AKR7A2: variants seen among roughly 807,000 people sequenced by gnomAD.
The protein encoded by AKR7A2 is aldo-keto reductase family 7 member A2, also known as aflatoxin B1 aldehyde reductase member 2.
A neutral mutation model predicts 37.3 loss-of-function variants in AKR7A2; 29 were observed. That is an observed-to-expected ratio of 0.78 (90% CI 0.58 to 1.06). The LOEUF (loss-of-function observed/expected upper bound fraction) is 1.06. AKR7A2 is among the 50% of genes least tolerant of loss of function. The pLI is 0.00. For synonymous variants in AKR7A2, 228 were observed against 217.8 expected (o/e 1.05, Z -0.41); for missense variants, 529 against 497.9 (o/e 1.06, Z -0.59).
intron 4 of AKR7A2, 26 bp from the exon 5 acceptor site, chr1:19,307,127 T>C (rs973910609): frequency 1.2e-6 from 2 of 1,613,452 alleles, no homozygotes; most frequent in East Asian, 2.2e-5. Context: ...AATCAGCCCC[T>C]GGCCCCAGAG....
chr1:19,304,110 T>C lies in AKR7A2; in HGVS notation c.*115A>G, dbSNP rs952384467. ...GGCAGGAAGCTAGAAAAATAATGCA[T>C]GGATCTAGACAATTCAGAAAAACCC... On this transcript the variant is annotated 3_prime_UTR_variant, in exon 7 of 7. Transcript: ENST00000235835. 6.5e-5 allele frequency: 100 copies of C among 1,532,102 alleles called. No homozygotes were observed. The highest frequency in any genetic ancestry group is 6.5e-5 in the Non-Finnish European group (72 of 1,109,596). 94.9% of individuals were successfully genotyped at this position (1,532,102 alleles called of 1,614,324 possible).
intron 5 of AKR7A2, 52 bp from the exon 6 acceptor site, chr1:19,306,199 G>T: frequency 6.2e-7 from 1 of 1,613,194 alleles, no homozygotes; most frequent in Non-Finnish European, 8.5e-7. Flanking sequence ...GGTCACACTG[G>T]GAGCCGCAAC....
rs932389142 is a variant in AKR7A2 at position 19,307,309 on chromosome 1, C to T, written c.688+5G>A. On this transcript the variant is annotated splice_donor_5th_base_variant and intron_variant, in intron 4 of 6. Transcript: ENST00000235835. ...CTGAGACAGGGTCAGGAATGCTCCA[C>T]GTACCAGCCAGAGGGTTGTAGGCAT... 8.7e-6 allele frequency: 14 copies of T among 1,612,814 alleles called. No homozygotes were observed. Among genetic ancestry groups the T allele is most frequent in the African/African-American group, 4.0e-5 (3 of 74,902 alleles).
In AKR7A2 at chr1:19,312,121, G is replaced by A. The variant is rs1466488230; in HGVS notation, c.4C>T (p.Leu2=). 1.1e-5 allele frequency: 14 copies of A among 1,284,582 alleles called. No homozygotes were observed. Among genetic ancestry groups the A allele is most frequent in the Non-Finnish European group, 1.2e-5 (12 of 1,023,214 alleles). The allele number at this position is 1,284,582 out of a possible 1,614,324, so 79.6% of individuals were successfully genotyped here. The change falls in exon 1 of 7, where the codon CTG becomes TTG. Residue 2 remains leucine (L), a synonymous_variant. Transcript: ENST00000235835. M[L]SAASRVVSRA... is the part of the protein sequence containing the mutation. ...GAGACTACGCGAGACGCGGCACTCA[G>A]CATAGCAGCGGCGCCTGCGCGTTGG...
intron 6 of AKR7A2, among the ~76,000 whole-genome samples, chr1:19,304,798 A>G (rs992823555): frequency 1.3e-5 from 2 of 152,092 alleles, no homozygotes; most frequent in Non-Finnish European, 2.9e-5. Flanking sequence ...AAAATTAGCC[A>G]GGGGTGATGG....
At position 19,305,950 on chromosome 1, in the gene AKR7A2, G is replaced by C. The variant is rs963897822; in HGVS notation, c.918+68C>G. On this transcript the variant is annotated intron_variant, in intron 6 of 6. Coordinates refer to ENST00000235835, the MANE Select transcript of AKR7A2 (RefSeq NM_003689.4). ...GGAATTCAGAAATCAAATGCTTTGG[G>C]CTTCACCTAAAGGTGACGCTGGTCC... 3 of 1,610,982 alleles carry C rather than the reference G, an allele frequency of 1.9e-6. No individual in the cohort carries two copies. The African/African-American group carries it at 4.0e-5, about 22-fold the overall frequency.
intron 6 of AKR7A2, among the ~76,000 whole-genome samples, chr1:19,305,763 G>C (rs1535037): frequency 6.6e-6 from 1 of 152,046 alleles, no homozygotes; most frequent in Non-Finnish European, 1.5e-5. Context: ...GGTGAACCTC[G>C]GTTTCCTCAT....
chr1:19,302,824 G>T (rs914498879), downstream of AKR7A2, among the ~76,000 whole-genome samples: 1 of 151,814 alleles, frequency 6.6e-6, no homozygotes, highest in Non-Finnish European at 1.5e-5. Flanking sequence ...CAGAGTAGCT[G>T]GGACCACAGG....
chr1:19,312,063 G>C lies in AKR7A2; in HGVS notation c.62C>G (p.Pro21Arg). 1 of 1,361,528 alleles carries C rather than the reference G, an allele frequency of 7.3e-7. No individual in the cohort carries two copies. The highest frequency in any genetic ancestry group is 3.8e-5 in the Admixed American group (1 of 26,310). 84.3% of individuals were successfully genotyped at this position (1,361,528 alleles called of 1,614,324 possible). ...GGCGAGCGCGCGGGCCTCGGGCGGC[G>C]GAGAGCGAAGCGCGCAGTGGACGGC... ...RAAVHCALRS[P>R]PPEARALAMS... The change falls in exon 1 of 7, where the codon CCG becomes CGG. Residue 21 changes from proline (P) to arginine (R), a missense_variant. Coordinates refer to ENST00000235835, the MANE Select transcript of AKR7A2 (RefSeq NM_003689.4).
At chr1:19,307,446 T>C (rs1337374056) in intron 3 of AKR7A2, 36 bp from the exon 4 acceptor site, 1 of 1,610,880 alleles carries the variant, frequency 6.2e-7, no homozygotes, top group Non-Finnish European at 8.5e-7. Context: ...AGGGTGGACA[T>C]GTCAAGAGAA....
intron 1 of AKR7A2, 123 bp downstream of exon 1, chr1:19,311,702 TGG>T: frequency 8.1e-7 from 1 of 1,233,906 alleles, no homozygotes; most frequent in Non-Finnish European, 1.1e-6. Flanking sequence ...GGGGTGGACC[TGG>T]GGTGGGGAGC....
intron 1 of AKR7A2, among the ~76,000 whole-genome samples, chr1:19,310,792 C>A (rs1242523583): frequency 2.0e-5 from 3 of 152,092 alleles, no homozygotes; most frequent in Non-Finnish European, 2.9e-5. Flanking sequence ...CTCAGGAGGA[C>A]CCAGAGAGAA....
chr1:19,307,299 G>C lies in AKR7A2; in HGVS notation c.688+15C>G. The C allele has an allele frequency of 6.2e-7, 1 of 1,612,732 alleles. No homozygotes were observed. Among genetic ancestry groups the C allele is most frequent in the East Asian group, 2.2e-5 (1 of 44,890 alleles). ...CAGGAATAGGCTGAGACAGGGTCAG[G>C]AATGCTCCACGTACCAGCCAGAGGG... On this transcript the variant is annotated intron_variant, in intron 4 of 6. Transcript: ENST00000235835.
At position 19,311,836 on chromosome 1, in the gene AKR7A2, C is replaced by A. The variant is rs1215726430; in HGVS notation, c.289G>T (p.Asp97Tyr). Residue 97 changes from aspartate (D) to tyrosine (Y), a missense_variant, in exon 1 of 7, where the codon GAC becomes TAC. Physicochemically the swap from Asp to Tyr is radical, Grantham distance 160. Coordinates refer to ENST00000235835, the MANE Select transcript of AKR7A2 (RefSeq NM_003689.4). ...CTGCAGCTACTGTTACCTCTGCAGT[C>A]GCCACCGCCCAGCCCGAGCCCCAGG... Reference protein sequence around the residue: ...GGLGLGLGGGDCRVKIATKAN... With the variant: ...GGLGLGLGGGYCRVKIATKAN... 1 of 1,610,270 alleles carries A rather than the reference C, an allele frequency of 6.2e-7. No homozygotes were observed. Among genetic ancestry groups the A allele is most frequent in the South Asian group, 1.1e-5 (1 of 90,960 alleles).
chr1:19,312,141 C>G lies in AKR7A2; in HGVS notation c.-17G>C. ...ACTCAGCATAGCAGCGGCGCCTGCG[C>G]GTTGGGAGCCGGGGGCCCCGCCCAT... On this transcript the variant is annotated 5_prime_UTR_variant, in exon 1 of 7. Coordinates refer to ENST00000235835, the MANE Select transcript of AKR7A2 (RefSeq NM_003689.4). 7.9e-7 allele frequency: 1 copy of G among 1,260,938 alleles called. No individual in the cohort carries two copies. The highest frequency in any genetic ancestry group is 9.9e-7 in the Non-Finnish European group (1 of 1,007,702). The allele number at this position is 1,260,938 out of a possible 1,614,324, so 78.1% of individuals were successfully genotyped here.
In AKR7A2 at chr1:19,307,143, C is replaced by G. The variant is rs775810957; in HGVS notation, c.689-42G>C. 3.1e-6 allele frequency: 5 copies of G among 1,609,390 alleles called. No homozygotes were observed. The Admixed American group carries it at 8.3e-5, about 27-fold the overall frequency. On this transcript the variant is annotated intron_variant, in intron 4 of 6. Transcript: ENST00000235835. The stretch of plus-strand genomic sequence containing the variant: ...ATCAGCCCCTGGCCCCAGAGTGCCC[C>G]AGAAGCTGCCACATCCCTCAGGGCT...
At position 19,312,054 on chromosome 1, in the gene AKR7A2, T is replaced by G. The variant is rs1342131341; in HGVS notation, c.71A>C (p.Glu24Ala). The part of the protein sequence containing the change: ...VHCALRSPPP[E>A]ARALAMSRPP... ...CCGGGACATGGCGAGCGCGCGGGCC[T>G]CGGGCGGCGGAGAGCGAAGCGCGCA... is the stretch of plus-strand genomic sequence containing the variant. The change falls in exon 1 of 7, where the codon GAG becomes GCG. Residue 24 changes from glutamate (E) to alanine (A), a missense_variant. By Grantham distance (107) the Glu-to-Ala change is moderately radical. Coordinates refer to ENST00000235835, the MANE Select transcript of AKR7A2 (RefSeq NM_003689.4). 6.8e-5 allele frequency: 93 copies of G among 1,371,264 alleles called. No homozygotes were observed. Among genetic ancestry groups the G allele is most frequent in the Non-Finnish European group, 8.5e-5 (91 of 1,069,828 alleles). The allele number at this position is 1,371,264 out of a possible 1,614,324, so 84.9% of individuals were successfully genotyped here. A position where few individuals can be genotyped will look rare whatever the true frequency, so the allele number is the denominator to read the frequency against.
chr1:19,306,120 GGCCTC>G lies in AKR7A2; in HGVS notation c.811_815del (p.Glu271HisfsTer72), dbSNP rs2151988282. On this transcript the variant is annotated frameshift_variant, in exon 6 of 7. Transcript: ENST00000235835. LOFTEE classifies it high-confidence loss of function. ...GCAGGGCCTTCTCCACCAACGCAAT[GGCCTC>G]GAAGTGGTGCTCCTTCCAGAAGCTG... 7 of 1,614,212 alleles carry G rather than the reference GGCCTC, an allele frequency of 4.3e-6. 1 individual carries two copies. Among genetic ancestry groups the G allele is most frequent in the Middle Eastern group, 1.6e-4 (1 of 6,062 alleles).
intron 1 of AKR7A2, among the ~76,000 whole-genome samples, chr1:19,310,478 ACT>A (rs1169671100): frequency 2.6e-5 from 4 of 152,134 alleles, no homozygotes; most frequent in African/African-American, 9.7e-5. Context: ...TGGGCAGATC[ACT>A]TGAGGTCAGG....
Sources: gnomAD v4.1 joint callset for allele counts (sites outside exome capture counted in the v4.1 genomes callset) on GRCh38, gnomAD v4.1.1 for gene constraint, MANE v1.5 for transcripts, NCBI Gene and HGNC (gene_info 2026-07-23, HGNC 2026-07-21) for gene names.